Variants in GNAL observed in about 807,000 individuals in gnomAD.
GNAL encodes the protein guanine nucleotide-binding protein G(olf) subunit alpha.
A neutral mutation model predicts 55.1 loss-of-function variants in GNAL; 18 were observed. The observed-to-expected ratio is 0.33, with a 90% CI of 0.23 to 0.48. GNAL has a LOEUF of 0.48. Among genes scored for constraint, GNAL ranks in the 20% least tolerant of loss-of-function variants. GNAL has a pLI of 0.99. For missense variants in GNAL, 412 were observed against 614.1 expected (o/e 0.67, Z 3.48); for synonymous variants, 253 against 237.0 (o/e 1.07, Z -0.62).
At chr18:11,762,610 T>C (rs2033280183) in intron 4 of GNAL, among the ~76,000 whole-genome samples, 1 of 152,076 alleles carries the variant, frequency 6.6e-6, no homozygotes, top group Non-Finnish European at 1.5e-5. Context: ...TCAGGGTGGG[T>C]GGCACCTTCC....
intron 5 of GNAL, among the ~76,000 whole-genome samples, chr18:11,830,660 C>T (rs1252831999): frequency 6.6e-6 from 1 of 152,110 alleles, no homozygotes; most frequent in Non-Finnish European, 1.5e-5. Flanking sequence ...TACCTCCATA[C>T]AAAAACTGGT....
chr18:11,880,508 G>A (rs1351874805), intron 11 of GNAL, among the ~76,000 whole-genome samples: 1 of 152,100 alleles, frequency 6.6e-6, no homozygotes, highest in East Asian at 1.9e-4. Flanking sequence ...CTGGGAGGTG[G>A]AGGTTGCAGT....
chr18:11,735,646 G>A (rs2032443535), intron 1 of GNAL, among the ~76,000 whole-genome samples: 1 of 151,932 alleles, frequency 6.6e-6, no homozygotes, highest in Non-Finnish European at 1.5e-5. Context: ...CAGCTACTTG[G>A]GAGGCTGAGT....
chr18:11,764,170 G>C (rs1450055020), intron 4 of GNAL, among the ~76,000 whole-genome samples: 1 of 151,934 alleles, frequency 6.6e-6, no homozygotes, highest in Admixed American at 6.6e-5. Context: ...AGTGGCACAA[G>C]CTCGGCTCAC....
chr18:11,753,529 C>A, intron 2 of GNAL, 99 bp from the exon 3 acceptor site: 1 of 778,764 alleles, frequency 1.3e-6, no homozygotes, highest in South Asian at 1.6e-5. Flanking sequence ...TGAAACCAGT[C>A]TAGGTCAGTG....
intron 4 of GNAL, among the ~76,000 whole-genome samples, chr18:11,767,165 T>C (rs1377293074): frequency 6.6e-6 from 1 of 152,128 alleles, no homozygotes; most frequent in Non-Finnish European, 1.5e-5. Flanking sequence ...ACCCTTATGC[T>C]TGCACACTTG....
intron 1 of GNAL, among the ~76,000 whole-genome samples, chr18:11,708,268 A>G (rs945072377): frequency 2.0e-5 from 3 of 152,126 alleles, no homozygotes; most frequent in African/African-American, 7.2e-5. Context: ...CTTAGAGGCT[A>G]TTGTAGGATT....
At chr18:11,825,979 T>G (rs1328026382) in intron 5 of GNAL, among the ~76,000 whole-genome samples, 1 of 152,128 alleles carries the variant, frequency 6.6e-6, no homozygotes, top group East Asian at 1.9e-4. Context: ...AATGAAAAAT[T>G]TTACATTTTA....
chr18:11,858,533 T>C (rs2036060615), intron 5 of GNAL, among the ~76,000 whole-genome samples: 1 of 152,180 alleles, frequency 6.6e-6, no homozygotes, highest in African/African-American at 2.4e-5. Context: ...TCTCTATGTA[T>C]GTAATCACAG....
At chr18:11,758,889 T>A (rs1012053841) in intron 4 of GNAL, among the ~76,000 whole-genome samples, 2 of 152,134 alleles carry the variant, frequency 1.3e-5, no homozygotes, top group Admixed American at 6.5e-5. Flanking sequence ...ATAGGAAAAA[T>A]AGGCCGGGCA....
intron 1 of GNAL, among the ~76,000 whole-genome samples, chr18:11,695,477 C>T (rs778798698): frequency 1.3e-5 from 2 of 152,136 alleles, no homozygotes; most frequent in Non-Finnish European, 2.9e-5. Flanking sequence ...GCCAAATGAA[C>T]ACATATAGCA....
At chr18:11,754,998 A>ATATG (rs1282442452) in intron 4 of GNAL, among the ~76,000 whole-genome samples, 1 of 149,048 alleles carries the variant, frequency 6.7e-6, no homozygotes, top group African/African-American at 2.5e-5. Context: ...GTGAGTGTGT[A>ATATG]TGTGTGTGTG....
chr18:11,759,182 C>A (rs9946993), intron 4 of GNAL, among the ~76,000 whole-genome samples: 31,133 of 151,328 alleles, frequency 0.21, 5,314 homozygotes, highest in African/African-American at 0.47. Flanking sequence ...CAAAAAAAAA[C>A]AAAAAGGAAG....
At chr18:11,805,521 CT>C (rs1009331845) in intron 4 of GNAL, among the ~76,000 whole-genome samples, 7 of 152,076 alleles carry the variant, frequency 4.6e-5, no homozygotes, top group East Asian at 1.9e-4. Flanking sequence ...CCCCCTCACC[CT>C]TTTGAGTCTC....
At chr18:11,857,603 A>G in intron 5 of GNAL, 1 of 985,392 alleles carries the variant, frequency 1.0e-6, no homozygotes, top group Non-Finnish European at 1.2e-6. Flanking sequence ...GCCAAGAGGA[A>G]CACGCTCTTG....
chr18:11,810,499 C>T (rs2034783782), intron 4 of GNAL: 1 of 152,270 alleles, frequency 6.6e-6, no homozygotes, highest in Non-Finnish European at 1.5e-5. Context: ...CAGGCCTGCA[C>T]ATTGCCTGGC....
At chr18:11,702,613 C>A (rs974854826) in intron 1 of GNAL, among the ~76,000 whole-genome samples, 8 of 152,174 alleles carry the variant, frequency 5.3e-5, no homozygotes, top group African/African-American at 1.9e-4. Flanking sequence ...AGGCTTCAGT[C>A]TACAAACTGG....
chr18:11,873,365 C>T (rs2036443198), intron 10 of GNAL, among the ~76,000 whole-genome samples: 1 of 152,214 alleles, frequency 6.6e-6, no homozygotes, highest in Non-Finnish European at 1.5e-5. Flanking sequence ...ATAGTAAAAT[C>T]CTGACCCTTG....
At chr18:11,815,896 A>G (rs762266844) in intron 4 of GNAL, among the ~76,000 whole-genome samples, 19 of 152,314 alleles carry the variant, frequency 1.2e-4, no homozygotes, top group Admixed American at 6.5e-4. Context: ...GTAATTCATC[A>G]TTAGGGAAAT....
Sources: gnomAD v4.1 joint callset for allele counts (sites outside exome capture counted in the v4.1 genomes callset) on GRCh38, gnomAD v4.1.1 for gene constraint, MANE v1.5 for transcripts, NCBI Gene and HGNC (gene_info 2026-07-23, HGNC 2026-07-21) for gene names.